Variants in AGBL4 observed in about 807,000 individuals in gnomAD.
AGBL4 encodes AGBL carboxypeptidase 4, also known as cytosolic carboxypeptidase 6.
A neutral mutation model predicts 66.4 loss-of-function variants in AGBL4; 58 were observed. The observed-to-expected ratio is 0.87, with a 90% CI of 0.71 to 1.09. The LOEUF (loss-of-function observed/expected upper bound fraction) is 1.09. AGBL4 is among the 50% of genes least tolerant of loss of function. AGBL4 has a pLI of 0.00. For missense variants in AGBL4, 579 were observed against 631.0 expected, an observed-to-expected ratio of 0.92 and a Z score of 0.88; for synonymous variants, 234 against 222.9, an observed-to-expected ratio of 1.05 and a Z score of -0.44.
intron 3 of AGBL4, among the ~76,000 whole-genome samples, chr1:49,367,359 C>T (rs933804011): frequency 2.6e-5 from 4 of 152,148 alleles, no homozygotes; most frequent in Admixed American, 2.0e-4. Context: ...CTGGCACTTC[C>T]TCCCCTCTCT....
chr1:48,716,335 C>G (rs764052358), intron 6 of AGBL4, among the ~76,000 whole-genome samples: 1 of 152,288 alleles, frequency 6.6e-6, no homozygotes. Flanking sequence ...TGAATCCTGG[C>G]TCTGCCCATT....
chr1:50,016,981 G>A (rs1387496762), intron 1 of AGBL4: 1 of 152,072 alleles, frequency 6.6e-6, no homozygotes, highest in Admixed American at 6.6e-5. Flanking sequence ...AAAGACACAT[G>A]CACACATACG....
intron 2 of AGBL4, among the ~76,000 whole-genome samples, chr1:49,731,075 G>T (rs1649408644): frequency 6.6e-6 from 1 of 152,102 alleles, no homozygotes; most frequent in African/African-American, 2.4e-5. Context: ...ATCAGACACA[G>T]ATGAAAGACA....
chr1:49,482,174 C>G (rs962387551), intron 3 of AGBL4, among the ~76,000 whole-genome samples: 1 of 151,792 alleles, frequency 6.6e-6, no homozygotes, highest in Non-Finnish European at 1.5e-5. Context: ...CCTTCCTTTT[C>G]GATTTTTTGA....
intron 4 of AGBL4, among the ~76,000 whole-genome samples, chr1:49,219,776 T>C (rs1291369445): frequency 1.3e-5 from 2 of 152,162 alleles, no homozygotes; most frequent in Non-Finnish European, 2.9e-5. Context: ...AAAAGTTTCG[T>C]TGTCAAAGAT....
intron 2 of AGBL4, among the ~76,000 whole-genome samples, chr1:49,795,372 C>T (rs1644703925): frequency 6.6e-6 from 1 of 151,674 alleles, no homozygotes; most frequent in Non-Finnish European, 1.5e-5. Flanking sequence ...CCATCAGGAA[C>T]TAAGTAAAGG....
At chr1:49,531,755 T>A (rs1320499426) in intron 3 of AGBL4, among the ~76,000 whole-genome samples, 1 of 152,112 alleles carries the variant, frequency 6.6e-6, no homozygotes, top group East Asian at 1.9e-4. Context: ...AGATCTTTAA[T>A]TTGAATGCAT....
intron 3 of AGBL4, among the ~76,000 whole-genome samples, chr1:49,432,735 T>G (rs1019129659): frequency 6.6e-6 from 1 of 152,194 alleles, no homozygotes; most frequent in Non-Finnish European, 1.5e-5. Flanking sequence ...ATGAATTTGT[T>G]CTTTCTCCCT....
chr1:49,728,602 G>A (rs1264478079), intron 2 of AGBL4, among the ~76,000 whole-genome samples: 5 of 152,082 alleles, frequency 3.3e-5, no homozygotes, highest in African/African-American at 1.2e-4. Flanking sequence ...TCAGAAATGC[G>A]ATGACACACT....
intron 3 of AGBL4, among the ~76,000 whole-genome samples, chr1:49,692,778 C>G (rs1005721419): frequency 2.0e-5 from 3 of 151,538 alleles, no homozygotes; most frequent in Admixed American, 1.3e-4. Flanking sequence ...TTAAACACAT[C>G]TATGTAAAAG....
At chr1:48,769,837 A>G (rs1183796163) in intron 6 of AGBL4, among the ~76,000 whole-genome samples, 1 of 152,190 alleles carries the variant, frequency 6.6e-6, no homozygotes, top group African/African-American at 2.4e-5. Context: ...ATGTGAAGTA[A>G]TCTCCCCAAA....
intron 9 of AGBL4, among the ~76,000 whole-genome samples, chr1:48,615,561 C>T (rs772356084): frequency 6.6e-6 from 1 of 152,188 alleles, no homozygotes; most frequent in Non-Finnish European, 1.5e-5. Context: ...AGAATCACTG[C>T]TTTTAAACCC....
intron 4 of AGBL4, among the ~76,000 whole-genome samples, chr1:49,175,784 T>G (rs997942593): frequency 4.7e-4 from 72 of 152,272 alleles, no homozygotes; most frequent in Non-Finnish European, 1.5e-5. Context: ...TAAGTTCAAA[T>G]CAAGGTCAAA....
At chr1:48,924,890 A>G (rs1654399464) in intron 5 of AGBL4, among the ~76,000 whole-genome samples, 2 of 152,114 alleles carry the variant, frequency 1.3e-5, no homozygotes, top group Non-Finnish European at 2.9e-5. Context: ...AAAATTTTAA[A>G]TGTACTTTGA....
chr1:49,134,474 GGC>G lies in AGBL4; in HGVS notation c.378-88676_378-88675del, dbSNP rs375100859. Reference sequence around the variant, plus strand: ...CACTCCCAGAGCAGCCATTTTGGAGGGCCCCCCCCCCCCCACCCCAGGAATGC... The same window carrying G: ...CACTCCCAGAGCAGCCATTTTGGAGGCCCCCCCCCCCCACCCCAGGAATGC... On this transcript the variant is annotated intron_variant, in intron 4 of 13. Coordinates refer to ENST00000371839, the MANE Select transcript of AGBL4 (RefSeq NM_032785.4). Among the ~76,000 whole-genome samples the G allele has an allele frequency of 2.9e-3, 50 of 16,966 alleles. 1 individual carries two copies. The highest frequency in any genetic ancestry group is 0.012 in the African/African-American group (40 of 3,400). The allele number at this position is 16,966 out of a possible 152,430, so 11.1% of individuals were successfully genotyped here.
At chr1:48,805,457 A>T (rs1479616143) in intron 6 of AGBL4, among the ~76,000 whole-genome samples, 4 of 152,170 alleles carry the variant, frequency 2.6e-5, no homozygotes, top group African/African-American at 9.7e-5. Flanking sequence ...ATGTAGTTTC[A>T]TATTTCATGG....
chr1:48,665,246 C>T (rs72681035), intron 6 of AGBL4, among the ~76,000 whole-genome samples: 23,817 of 152,052 alleles, frequency 0.16, 2,456 homozygotes, highest in East Asian at 0.22. Flanking sequence ...AGAAGGCTCA[C>T]CTGCCCTGAA....
At chr1:49,880,945 TC>T (rs1222245932) in intron 1 of AGBL4, among the ~76,000 whole-genome samples, 1 of 152,034 alleles carries the variant, frequency 6.6e-6, no homozygotes, top group African/African-American at 2.4e-5. Flanking sequence ...GTCACCCCTT[TC>T]TTTGACTCGG....
chr1:48,607,619 C>T (rs748538288), intron 9 of AGBL4, among the ~76,000 whole-genome samples: 3 of 151,964 alleles, frequency 2.0e-5, no homozygotes, highest in Non-Finnish European at 2.9e-5. Flanking sequence ...ACTCCATCCC[C>T]CCACCCCCAG....
Sources: allele counts gnomAD v4.1 joint callset (sites outside exome capture counted in the v4.1 genomes callset), GRCh38; gene constraint gnomAD v4.1.1; transcripts MANE v1.5; gene names NCBI Gene and HGNC (gene_info 2026-07-23, HGNC 2026-07-21).